SNX30: variants seen among roughly 807,000 people sequenced by gnomAD.
The protein encoded by SNX30 is sorting nexin family member 30, also known as sorting nexin-30.
A neutral mutation model predicts 46.4 loss-of-function variants in SNX30; 24 were observed. That is an observed-to-expected ratio of 0.52 (90% CI 0.37 to 0.73). The LOEUF (loss-of-function observed/expected upper bound fraction) is 0.73, where lower values mean the gene tolerates loss of function less well. Ranked by LOEUF, SNX30 falls within the 30% of genes least tolerant of loss-of-function variation. SNX30 has a pLI of 0.00. For missense variants in SNX30, 533 were observed against 555.7 expected (o/e 0.96, Z 0.41); for synonymous variants, 189 against 211.5 (o/e 0.89, Z 0.92).
At chr9:112,804,746 T>G in intron 1 of SNX30, 30 bp from the exon 2 acceptor site, 1 of 1,568,728 alleles carries the variant, frequency 6.4e-7, no homozygotes, top group South Asian at 1.2e-5. Context: ...TGTTTTCATT[T>G]AATTTTAAGG....
At chr9:112,863,430 C>A (rs996659260) in intron 7 of SNX30, among the ~76,000 whole-genome samples, 1 of 152,278 alleles carries the variant, frequency 6.6e-6, no homozygotes, top group African/African-American at 2.4e-5. Flanking sequence ...GCTGCAGCCA[C>A]AAAGCCCAAA....
chr9:112,846,820 A>C (rs1312024208), intron 6 of SNX30, among the ~76,000 whole-genome samples: 3 of 152,132 alleles, frequency 2.0e-5, no homozygotes, highest in Non-Finnish European at 4.4e-5. Context: ...GGTGGGCTTG[A>C]AGAGGCTTTT....
At chr9:112,858,048 G>T (rs572633927) in intron 7 of SNX30, among the ~76,000 whole-genome samples, 20 of 152,230 alleles carry the variant, frequency 1.3e-4, no homozygotes, top group Middle Eastern at 3.4e-3. Flanking sequence ...ATGCAATTTT[G>T]TCACCTCTGT....
At chr9:112,838,758 G>C (rs928281420) in intron 6 of SNX30, 61 bp downstream of exon 6, 3 of 1,507,230 alleles carry the variant, frequency 2.0e-6, no homozygotes, top group Non-Finnish European at 2.7e-6. Flanking sequence ...TTATCAGAAA[G>C]TAATGGATTA....
intron 6 of SNX30, among the ~76,000 whole-genome samples, chr9:112,849,821 G>A (rs938642501): frequency 6.6e-6 from 1 of 152,284 alleles, no homozygotes; most frequent in Middle Eastern, 3.4e-3. Context: ...GGTCCCCTGT[G>A]GGGAAAGTGC....
Position 112,871,385 on chromosome 9 carries a change from G to A in SNX30, c.*2542G>A, listed in dbSNP as rs1588145843. 1 of 152,010 alleles carries A rather than the reference G, an allele frequency of 6.6e-6. No homozygotes were observed. The highest frequency in any genetic ancestry group is 1.5e-5 in the Non-Finnish European group (1 of 68,008). 9.4% of individuals were successfully genotyped at this position (152,010 alleles called of 1,614,324 possible). A position where few individuals can be genotyped will look rare whatever the true frequency, so the allele number is the denominator to read the frequency against. ...AAGCAGGCTCCCCTGGGCCTCTGAG[G>A]GCCAGCAGTCCCAACCATTTGCCTC... is the stretch of plus-strand genomic sequence containing the variant. On this transcript the variant is annotated 3_prime_UTR_variant, in exon 9 of 9. Coordinates refer to ENST00000374232, the MANE Select transcript of SNX30 (RefSeq NM_001012994.2).
intron 1 of SNX30, among the ~76,000 whole-genome samples, chr9:112,775,900 A>G (rs1344357429): frequency 6.7e-6 from 1 of 149,572 alleles, no homozygotes; most frequent in Non-Finnish European, 1.5e-5. Flanking sequence ...CTTCCTCCCC[A>G]CTAGTTGCCT....
chr9:112,834,587 A>G (rs981572543), intron 4 of SNX30, among the ~76,000 whole-genome samples: 7 of 152,098 alleles, frequency 4.6e-5, no homozygotes, highest in Non-Finnish European at 8.8e-5. Flanking sequence ...AAGTTCTCTA[A>G]ACCCAGCTCT....
At position 112,804,026 on chromosome 9, in the gene SNX30, G is replaced by A. The variant is rs1267945694; in HGVS notation, c.157-750G>A. On this transcript the variant is annotated intron_variant, in intron 1 of 8. Coordinates refer to ENST00000374232, the MANE Select transcript of SNX30 (RefSeq NM_001012994.2). ...ACGGTGCGCACACACACTGGCCTGC[G>A]CCCACTGTCTGGCACTCCCTAGTGA... Among the ~76,000 whole-genome samples the A allele has an allele frequency of 4.1e-3, 593 of 142,892 alleles. 2 individuals are homozygous for A. The highest frequency in any genetic ancestry group is 6.5e-3 in the Non-Finnish European group (429 of 65,664). 93.7% of individuals were successfully genotyped at this position (142,892 alleles called of 152,430 possible).
chr9:112,752,601 T>C (rs1310463387), intron 1 of SNX30, among the ~76,000 whole-genome samples: 2 of 152,164 alleles, frequency 1.3e-5, no homozygotes, highest in Non-Finnish European at 2.9e-5. Context: ...TGAGACCCTG[T>C]CTCCAAAAAA....
intron 7 of SNX30, among the ~76,000 whole-genome samples, chr9:112,853,404 C>T (rs1372211459): frequency 6.6e-6 from 1 of 152,218 alleles, no homozygotes; most frequent in African/African-American, 2.4e-5. Flanking sequence ...CTGACGAGTT[C>T]TGAGCTGGCC....
chr9:112,765,367 A>G (rs1013806709), intron 1 of SNX30, among the ~76,000 whole-genome samples: 15 of 152,246 alleles, frequency 9.9e-5, no homozygotes, highest in African/African-American at 3.6e-4. Flanking sequence ...TTCACAAGAT[A>G]ATGCAATGGT....
intron 1 of SNX30, among the ~76,000 whole-genome samples, chr9:112,774,407 G>C (rs1414441454): frequency 6.6e-6 from 1 of 152,196 alleles, no homozygotes; most frequent in Non-Finnish European, 1.5e-5. Context: ...AAAGGAAAAA[G>C]GATTGCAAGG....
At chr9:112,842,588 G>A (rs188222144) in intron 6 of SNX30, among the ~76,000 whole-genome samples, 7 of 152,340 alleles carry the variant, frequency 4.6e-5, no homozygotes, top group African/African-American at 1.7e-4. Context: ...ACCCTTGTGA[G>A]TAAATCTTTT....
chr9:112,812,702 G>A (rs1192018841), intron 2 of SNX30, among the ~76,000 whole-genome samples: 1 of 152,090 alleles, frequency 6.6e-6, no homozygotes, highest in Non-Finnish European at 1.5e-5. Flanking sequence ...AATAGTGTAT[G>A]AGAATGGTGT....
intron 1 of SNX30, among the ~76,000 whole-genome samples, chr9:112,785,364 T>C (rs1839906064): frequency 6.8e-6 from 1 of 148,138 alleles, no homozygotes; most frequent in Non-Finnish European, 1.5e-5. Context: ...TACAGGTGTG[T>C]ACTACCATGC....
In SNX30 at chr9:112,838,688, C is replaced by G. The variant is rs1174931386; in HGVS notation, c.1005C>G (p.Asp335Glu). 1.2e-6 allele frequency: 2 copies of G among 1,613,760 alleles called. No homozygotes were observed. Among genetic ancestry groups the G allele is most frequent in the East Asian group, 2.2e-5 (1 of 44,880 alleles). Residue 335 changes from aspartate (D) to glutamate (E), a missense_variant, in exon 6 of 9, where the codon GAC (aspartate) becomes GAG (glutamate). Asp to Glu is a conservative substitution (Grantham distance 45). Around this residue, in one of 3 missense-constraint regions of SNX30, gnomAD observed 261 missense variants for 270.9 expected, o/e 0.96. Transcript: ENST00000374232. ...PVLREYILYS[D>E]SMKSVLKKRD... is the part of the protein sequence containing the mutation. ...TCAGGGAATATATTTTATACTCTGACTCCATGAAGGTAAGCTGGCTTGCTT... is the reference window on the plus strand; with the variant it reads ...TCAGGGAATATATTTTATACTCTGAGTCCATGAAGGTAAGCTGGCTTGCTT...
In SNX30 at chr9:112,777,393, C is replaced by T. The variant is rs887131553; in HGVS notation, c.156+26236C>T. Among the ~76,000 whole-genome samples, 100 of 151,560 alleles carry T rather than the reference C, an allele frequency of 6.6e-4. 1 individual carries two copies. The highest frequency in any genetic ancestry group is 6.4e-3 in the Admixed American group (97 of 15,178). On this transcript the variant is annotated intron_variant, in intron 1 of 8. Transcript: ENST00000374232. ...TCTTTAACCAGTTTCCTAGTTTGTT[C>T]GTCTTCCATATAATCTTTTTAAAGA...
At chr9:112,861,983 A>G (rs1008472654) in intron 7 of SNX30, among the ~76,000 whole-genome samples, 3 of 152,164 alleles carry the variant, frequency 2.0e-5, no homozygotes, top group African/African-American at 7.2e-5. Flanking sequence ...TTTCTTCCCA[A>G]CTAGACTGTA....
Sources: allele counts gnomAD v4.1 joint callset (sites outside exome capture counted in the v4.1 genomes callset), GRCh38; gene constraint gnomAD v4.1.1; regional missense constraint gnomAD v4.1.1; transcripts MANE v1.5; gene names NCBI Gene and HGNC (gene_info 2026-07-23, HGNC 2026-07-21).